The following MORC3 variants were observed in gnomAD, a reference collection of about 807,000 sequenced individuals.
The protein encoded by MORC3 is MORC family CW-type zinc finger 3, also known as MORC family CW-type zinc finger protein 3.
In MORC3, 31 loss-of-function variants were observed where a neutral mutation model predicts 109.1. The observed-to-expected ratio is 0.28, with a 90% CI of 0.21 to 0.38. The LOEUF is 0.38. MORC3 is among the 10% of genes least tolerant of loss of function. The pLI, the probability that MORC3 is intolerant of heterozygous loss-of-function variation, is 1.00. For missense variants in MORC3, 867 were observed against 1,135.8 expected (o/e 0.76, Z 3.40); for synonymous variants, 395 against 380.7 (o/e 1.04, Z -0.44).
intron 1 of MORC3, among the ~76,000 whole-genome samples, chr21:36,328,664 A>G (rs539474934): frequency 1.3e-5 from 2 of 152,042 alleles, no homozygotes; most frequent in South Asian, 4.2e-4. Context: ...TTTAATAGAG[A>G]CAGGGTTTCA....
rs373969432 is a variant in MORC3 at position 36,369,007 on chromosome 21, A to G, written c.1639A>G (p.Thr547Ala). The part of the protein sequence containing the change: ...ESNSLKRRLS[T>A]RSSILNAKNR... The stretch of plus-strand genomic sequence containing the variant: ...TTTCAGCTTGAAACGGAGACTTTCT[A>G]CTCGTTCCTCAATTTTGAATGCAAA... Residue 547 changes from threonine to alanine, a missense_variant, in exon 15 of 17, where the codon ACT (threonine) becomes GCT (alanine). Physicochemically the swap from Thr to Ala is moderately conservative, Grantham distance 58. Coordinates refer to ENST00000400485, the MANE Select transcript of MORC3 (RefSeq NM_015358.3). The G allele has an allele frequency of 6.2e-7, 1 of 1,610,046 alleles. No homozygotes were observed. The highest frequency in any genetic ancestry group is 8.5e-7 in the Non-Finnish European group (1 of 1,177,500).
At position 36,328,330 on chromosome 21, in the gene MORC3, G is replaced by GCCCCC. The variant is rs997805995; in HGVS notation, c.40-5311_40-5307dup. ...CATCTTTTGTTATTTATAATAATAAGCCCCCCCCCGCCTTTTTTTTTTTTT... is the reference window on the plus strand; with the variant it reads ...CATCTTTTGTTATTTATAATAATAAGCCCCCCCCCCCCCCGCCTTTTTTTTTTTTT... On this transcript the variant is annotated intron_variant, in intron 1 of 16. Transcript: ENST00000400485. Among the ~76,000 whole-genome samples, 142 of 137,874 alleles carry GCCCCC rather than the reference G, an allele frequency of 1.0e-3. 1 individual carries two copies. Among genetic ancestry groups the GCCCCC allele is most frequent in the Admixed American group, 1.8e-3 (24 of 13,124 alleles). 90.5% of individuals were successfully genotyped at this position (137,874 alleles called of 152,430 possible). A position where few individuals can be genotyped will look rare whatever the true frequency, so the allele number is the denominator to read the frequency against.
At chr21:36,374,282 G>C (rs1179523818) in intron 16 of MORC3, among the ~76,000 whole-genome samples, 1 of 152,008 alleles carries the variant, frequency 6.6e-6, no homozygotes, top group Non-Finnish European at 1.5e-5. Flanking sequence ...GGAGAGACGG[G>C]GTTTCACCAT....
chr21:36,343,303 C>T (rs992466046), intron 6 of MORC3, among the ~76,000 whole-genome samples: 11 of 152,088 alleles, frequency 7.2e-5, no homozygotes, highest in African/African-American at 2.4e-4. Context: ...CCATGTTGGC[C>T]AGACTGGTCT....
At chr21:36,361,961 A>G (rs372830365) in intron 12 of MORC3, 2 of 589,934 alleles carry the variant, frequency 3.4e-6, no homozygotes, top group Admixed American at 3.1e-5. Context: ...AGAAAAAAAC[A>G]CCAAAGATCT....
chr21:36,331,504 A>C (rs1285133299), intron 1 of MORC3, among the ~76,000 whole-genome samples: 3 of 152,176 alleles, frequency 2.0e-5, no homozygotes, highest in Non-Finnish European at 4.4e-5. Context: ...AGGCTGAGGC[A>C]GGAGAATGGT....
chr21:36,367,407 A>G (rs1264844609), intron 14 of MORC3, among the ~76,000 whole-genome samples: 2 of 152,214 alleles, frequency 1.3e-5, no homozygotes, highest in African/African-American at 4.8e-5. Flanking sequence ...CATCTCCCAC[A>G]TGGGACAGCA....
At chr21:36,324,317 G>T (rs560362844) in intron 1 of MORC3, among the ~76,000 whole-genome samples, 1 of 148,434 alleles carries the variant, frequency 6.7e-6, no homozygotes, top group South Asian at 2.1e-4. Flanking sequence ...TCGCTCTGTC[G>T]TCCAGGCTGG....
chr21:36,327,115 G>C (rs2085256057), intron 1 of MORC3, among the ~76,000 whole-genome samples: 1 of 147,732 alleles, frequency 6.8e-6, no homozygotes, highest in Non-Finnish European at 1.5e-5. Flanking sequence ...AGCGCGCCTG[G>C]CCTCAAATTT....
At chr21:36,350,921 T>C (rs182729876) in intron 9 of MORC3, among the ~76,000 whole-genome samples, 19 of 152,342 alleles carry the variant, frequency 1.2e-4, no homozygotes, top group Admixed American at 2.0e-4. Context: ...CAACATGTAA[T>C]GATCAAGTCA....
rs1158506300 is a variant in MORC3, at chr21:36,331,809, T to TAA, written c.40-1836_40-1835insAA. Reference sequence around the variant, plus strand: ...TGCATTGCGTTCAAACGAAAAACCTTAGACAAGTTAAAGTTTTATTGAGCA... The same window carrying TAA: ...TGCATTGCGTTCAAACGAAAAACCTTAAAGACAAGTTAAAGTTTTATTGAGCA... On this transcript the variant is annotated intron_variant, in intron 1 of 16. Coordinates refer to ENST00000400485, the MANE Select transcript of MORC3 (RefSeq NM_015358.3). 3.3e-5 allele frequency among the ~76,000 whole-genome samples: 5 copies of TAA among 152,190 alleles called. No individual in the cohort carries two copies. In the East Asian group the frequency reaches 9.7e-4, roughly 29 times the overall value.
intron 1 of MORC3, among the ~76,000 whole-genome samples, chr21:36,323,531 A>C (rs1318136285): frequency 6.6e-6 from 1 of 152,214 alleles, no homozygotes. Flanking sequence ...TTCCAGAAAC[A>C]GGTGTAGCTT....
intron 1 of MORC3, among the ~76,000 whole-genome samples, chr21:36,331,003 A>G (rs928269391): frequency 6.6e-6 from 1 of 152,224 alleles, no homozygotes; most frequent in African/African-American, 2.4e-5. Flanking sequence ...AGTCTTCTTC[A>G]GGATACTGTT....
chr21:36,339,177 T>C lies in MORC3; in HGVS notation c.608+256T>C, dbSNP rs148479594. On this transcript the variant is annotated intron_variant, in intron 5 of 16. Transcript: ENST00000400485. ...TCTTGTTCCCCAGGCTGGAATGCGA[T>C]GGCGCAATCTCAGCTGACTGCAGCC... is the stretch of plus-strand genomic sequence containing the variant. The C allele has an allele frequency of 2.0e-3, 531 of 270,754 alleles. 1 individual carries two copies. The highest frequency in any genetic ancestry group is 0.011 in the African/African-American group (492 of 45,268). 16.8% of individuals were successfully genotyped at this position (270,754 alleles called of 1,614,324 possible).
intron 10 of MORC3, among the ~76,000 whole-genome samples, chr21:36,357,637 T>C (rs773903257): frequency 2.6e-5 from 4 of 152,126 alleles, no homozygotes; most frequent in Non-Finnish European, 4.4e-5. Context: ...GCAGTGGTAA[T>C]TTCCTGAGAC....
At chr21:36,352,502 T>C (rs867165207) in intron 9 of MORC3, among the ~76,000 whole-genome samples, 16 of 152,320 alleles carry the variant, frequency 1.1e-4, no homozygotes, top group Middle Eastern at 3.4e-3. Context: ...GATTTTTTTG[T>C]ATTTTGGAAT....
intron 14 of MORC3, among the ~76,000 whole-genome samples, chr21:36,368,746 G>A (rs376934850): frequency 2.6e-5 from 4 of 152,196 alleles, no homozygotes; most frequent in African/African-American, 7.2e-5. Context: ...ACGTGGTGGC[G>A]GGTGCCTGTA....
chr21:36,357,458 T>A (rs2085657661), intron 10 of MORC3, among the ~76,000 whole-genome samples: 1 of 152,132 alleles, frequency 6.6e-6, no homozygotes, highest in Non-Finnish European at 1.5e-5. Context: ...GGGGTCTCCC[T>A]GTGTTGCCCA....
intron 6 of MORC3, among the ~76,000 whole-genome samples, chr21:36,341,895 A>G (rs981346637): frequency 1.3e-5 from 2 of 152,182 alleles, no homozygotes; most frequent in African/African-American, 2.4e-5. Context: ...TGGTGGCCAG[A>G]CTAATTCAAA....
Sources: gnomAD v4.1 joint callset for allele counts (sites outside exome capture counted in the v4.1 genomes callset) on GRCh38, gnomAD v4.1.1 for gene constraint, MANE v1.5 for transcripts, NCBI Gene and HGNC (gene_info 2026-07-23, HGNC 2026-07-21) for gene names.